IBTK: variants seen among roughly 807,000 people sequenced by gnomAD.
The protein encoded by IBTK is BTK-binding protein.
Under a neutral mutation model 154.9 loss-of-function variants are expected in IBTK, and 83 were observed. That is an observed-to-expected ratio of 0.54 (90% CI 0.45 to 0.64). The LOEUF is 0.64. IBTK is among the 30% of genes least tolerant of loss of function. The pLI is 0.00. For missense variants in IBTK, 1,332 were observed against 1,584.6 expected (o/e 0.84, Z 2.71); for synonymous variants, 515 against 536.1 (o/e 0.96, Z 0.54).
chr6:82,237,298 C>A (rs1380464856), intron 2 of IBTK, among the ~76,000 whole-genome samples: 1 of 151,368 alleles, frequency 6.6e-6, no homozygotes, highest in Non-Finnish European at 1.5e-5. Flanking sequence ...AAGAATGGAG[C>A]TGAGAGATGC....
At chr6:82,237,455 A>G (rs1770759155) in intron 2 of IBTK, among the ~76,000 whole-genome samples, 1 of 152,132 alleles carries the variant, frequency 6.6e-6, no homozygotes, top group African/African-American at 2.4e-5. Context: ...GGGGGGAAAA[A>G]AAAAGGAAAG....
intron 19 of IBTK, among the ~76,000 whole-genome samples, chr6:82,201,081 C>T (rs970888317): frequency 1.3e-5 from 2 of 152,022 alleles, no homozygotes; most frequent in African/African-American, 4.8e-5. Flanking sequence ...AAAAGCTCCA[C>T]TTTATTATTA....
intron 10 of IBTK, among the ~76,000 whole-genome samples, chr6:82,216,899 T>A (rs1769896568): frequency 6.6e-6 from 1 of 152,142 alleles, no homozygotes; most frequent in African/African-American, 2.4e-5. Flanking sequence ...TCCACAAAGA[T>A]ATGAAATTTA....
At position 82,225,522 on chromosome 6, in the gene IBTK, T is replaced by C. The variant is rs368349155; in HGVS notation, c.780A>G (p.Gln260=). The C allele has an allele frequency of 1.4e-5, 22 of 1,613,186 alleles. No homozygotes were observed. The highest frequency in any genetic ancestry group is 5.0e-5 in the Admixed American group (3 of 59,882). ...VYTFGLNIFH[Q]LGIIPPPSSC... ...TGGAAGGCGGTGGAATAATTCCTAA[T>C]TGATGAAAAATGTTTAGACCAAATG... Residue 260 remains glutamine (Q), a synonymous_variant, in exon 6 of 29, where the codon CAA becomes CAG. Transcript: ENST00000306270.
intron 23 of IBTK, among the ~76,000 whole-genome samples, chr6:82,193,332 T>C (rs1422056714): frequency 1.3e-5 from 2 of 152,148 alleles, no homozygotes; most frequent in African/African-American, 4.8e-5. Flanking sequence ...CAGGGTATTT[T>C]TAAAACATGT....
At chr6:82,205,837 C>A (rs1450145689) in intron 16 of IBTK, 1 of 151,240 alleles carries the variant, frequency 6.6e-6, no homozygotes, top group Admixed American at 6.6e-5. Flanking sequence ...TGAGCCACTG[C>A]CAAAATAACA....
intron 26 of IBTK, among the ~76,000 whole-genome samples, chr6:82,175,763 C>T (rs986094337): frequency 2.6e-5 from 4 of 152,196 alleles, no homozygotes; most frequent in Non-Finnish European, 5.9e-5. Flanking sequence ...GGTGCAGTGG[C>T]TCACGCCTGT....
At position 82,214,264 on chromosome 6, in the gene IBTK, C is replaced by T; in HGVS notation, c.2167G>A (p.Val723Ile). 6.2e-7 allele frequency: 1 copy of T among 1,611,154 alleles called. No individual in the cohort carries two copies. The highest frequency in any genetic ancestry group is 1.1e-5 in the South Asian group (1 of 90,542). ...TTACTGAAGTCGAATTTCTTTGCAA[C>T]AGTTTGCAACATTCTTACAGGATCA... ...EDDPVRMLQT[V>I]AKKFDFSNLS... The change falls in exon 12 of 29, where the codon GTT (valine) becomes ATT (isoleucine). Residue 723 changes from valine (V) to isoleucine (I), a missense_variant. By Grantham distance (29) the Val-to-Ile change is conservative. Around this residue, in one of 3 missense-constraint regions of IBTK, gnomAD observed 1,134 missense variants for 1,274.7 expected, o/e 0.89. Transcript: ENST00000306270.
intron 19 of IBTK, 45 bp from the exon 20 acceptor site, chr6:82,200,753 G>GTTTTTTTTTTTTTT: frequency 5.1e-6 from 2 of 392,562 alleles, no homozygotes; most frequent in Non-Finnish European, 3.5e-6. Flanking sequence ...AATCTGTGAA[G>GTTTTTTTTTTTTTT]TTTTTTTTTT....
chr6:82,226,690 T>A (rs571055468), intron 5 of IBTK, among the ~76,000 whole-genome samples: 1 of 151,108 alleles, frequency 6.6e-6, no homozygotes, highest in Non-Finnish European at 1.5e-5. Context: ...CACCGCAACC[T>A]CCGCCTCCCA....
intron 22 of IBTK, among the ~76,000 whole-genome samples, chr6:82,195,020 T>A (rs1260851659): frequency 6.6e-6 from 1 of 152,198 alleles, no homozygotes; most frequent in Non-Finnish European, 1.5e-5. Flanking sequence ...ATAAATGTCA[T>A]ATAATTCACT....
rs759624871 is a variant in IBTK, at chr6:82,181,930, T to C, written c.3674A>G (p.Lys1225Arg). The C allele has an allele frequency of 6.3e-7, 1 of 1,594,360 alleles. No homozygotes were observed. Among genetic ancestry groups the C allele is most frequent in the Non-Finnish European group, 8.5e-7 (1 of 1,175,788 alleles). Residue 1225 changes from lysine (K) to arginine (R), a missense_variant, in exon 26 of 29, where the codon AAA (lysine) becomes AGA (arginine). Physicochemically the swap from Lys to Arg is conservative, Grantham distance 26. This residue lies in a region of IBTK where 1,134 missense variants were observed against 1,274.7 expected (regional missense o/e 0.89). Coordinates refer to ENST00000306270, the MANE Select transcript of IBTK (RefSeq NM_015525.4). ...TTCAATTCCTTTAAAAGAAACTTTT[T>C]TGACATGATCGCCTGAACTATGGCT... is the stretch of plus-strand genomic sequence containing the variant. ...VTSHSSGDHV[K>R]KVSFKGIENS...
At chr6:82,227,144 C>T in intron 5 of IBTK, 48 bp downstream of exon 5, 1 of 1,260,010 alleles carries the variant, frequency 7.9e-7, no homozygotes, top group Non-Finnish European at 1.1e-6. Flanking sequence ...TTCAGCTTAT[C>T]AGCATTTTTC....
intron 24 of IBTK, 156 bp downstream of exon 24, chr6:82,191,631 G>A: frequency 1.4e-6 from 1 of 699,664 alleles, no homozygotes; most frequent in Non-Finnish European, 2.6e-6. Flanking sequence ...ACATATTTAA[G>A]AAATAATATT....
chr6:82,228,986 T>C (rs1030324552), intron 4 of IBTK, among the ~76,000 whole-genome samples: 3 of 152,158 alleles, frequency 2.0e-5, no homozygotes, highest in African/African-American at 7.2e-5. Flanking sequence ...CTGGAATATA[T>C]AATACTAACA....
intron 10 of IBTK, among the ~76,000 whole-genome samples, chr6:82,217,422 A>T (rs1004488993): frequency 6.6e-6 from 1 of 152,126 alleles, no homozygotes; most frequent in Admixed American, 6.5e-5. Flanking sequence ...ATTTACATAC[A>T]TGTCTATTGC....
chr6:82,184,640 T>C (rs117915593), intron 25 of IBTK, among the ~76,000 whole-genome samples: 1 of 152,162 alleles, frequency 6.6e-6, no homozygotes, highest in Non-Finnish European at 1.5e-5. Flanking sequence ...CACACCTAAC[T>C]GTCAGCAGCA....
chr6:82,176,521 CAAAAAAA>C (rs749153646), intron 26 of IBTK, among the ~76,000 whole-genome samples: 4 of 61,486 alleles, frequency 6.5e-5, no homozygotes, highest in Non-Finnish European at 1.3e-4. Context: ...GAGTCCGTCT[CAAAAAAA>C]AAAAAAAAAA....
Position 82,220,622 on chromosome 6 carries a change from T to C in IBTK, c.1216A>G (p.Ile406Val), listed in dbSNP as rs992028772. ...GCTCCATCCATTGCAAGAATGCAAA[T>C]TTTTTGACCCCCATTTTCTTTCAAA... ...EHLKENGGQKICILAMDGAGR... is the reference protein window; with the variant it reads ...EHLKENGGQKVCILAMDGAGR... The change falls in exon 9 of 29, where the codon ATT becomes GTT. Residue 406 changes from isoleucine (I) to valine (V), a missense_variant. Around this residue, in one of 3 missense-constraint regions of IBTK, gnomAD observed 1,134 missense variants for 1,274.7 expected, o/e 0.89. Coordinates refer to ENST00000306270, the MANE Select transcript of IBTK (RefSeq NM_015525.4). 1 of 1,610,926 alleles carries C rather than the reference T, an allele frequency of 6.2e-7. No homozygotes were observed. Among genetic ancestry groups the C allele is most frequent in the South Asian group, 1.1e-5 (1 of 90,578 alleles).
Sources: allele counts gnomAD v4.1 joint callset (sites outside exome capture counted in the v4.1 genomes callset), GRCh38; gene constraint gnomAD v4.1.1; regional missense constraint gnomAD v4.1.1; transcripts MANE v1.5; gene names NCBI Gene and HGNC (gene_info 2026-07-23, HGNC 2026-07-21).